Variants in ATR observed in about 807,000 individuals in gnomAD.
The protein encoded by ATR is serine/threonine-protein kinase ATR.
ATR carries 142 observed loss-of-function variants against 305.3 expected under a neutral mutation model. That is an observed-to-expected ratio of 0.47 (90% confidence interval 0.41 to 0.53). ATR has a LOEUF of 0.53. Among genes scored for constraint, ATR ranks in the 20% least tolerant of loss-of-function variants. The probability of loss-of-function intolerance (pLI) is 0.00; values close to 1 mark genes in which losing one functional copy is unlikely to be tolerated. For missense variants in ATR, 2,135 were observed against 3,133.1 expected, an observed-to-expected ratio of 0.68 and a Z score of 7.60; for synonymous variants, 1,050 against 1,068.1, an observed-to-expected ratio of 0.98 and a Z score of 0.33.
rs1314061298 is a variant in ATR, at chr3:142,562,278, A to G, written c.1124T>C (p.Ile375Thr). 4 of 1,614,092 alleles carry G rather than the reference A, an allele frequency of 2.5e-6. No homozygotes were observed. Among genetic ancestry groups the G allele is most frequent in the Non-Finnish European group, 3.4e-6 (4 of 1,179,966 alleles). The change falls in exon 4 of 47, where the codon ATT becomes ACT. Residue 375 changes from isoleucine (I) to threonine (T), a missense_variant. Physicochemically the swap from Ile to Thr is moderately conservative, Grantham distance 89 (BLOSUM62 -1). Around this residue, in one of 9 missense-constraint regions of ATR, gnomAD observed 744 missense variants for 873.2 expected, o/e 0.85. Coordinates refer to ENST00000350721, the MANE Select transcript of ATR (RefSeq NM_001184.4). Reference sequence around the variant, plus strand: ...AAGCACATCCAAAAGAGCTTTACAAATATTTCTCACATAGACCTTCCTGAC... The same window carrying G: ...AAGCACATCCAAAAGAGCTTTACAAGTATTTCTCACATAGACCTTCCTGAC... ...LQVRKVYVRN[I>T]CKALLDVLGI...
rs578209052 is a variant in ATR, at chr3:142,568,131, G to A, written c.83C>T (p.Thr28Ile). Residue 28 changes from threonine to isoleucine, a missense_variant, in exon 2 of 47, where the codon ACA (threonine) becomes ATA (isoleucine). Physicochemically the swap from Thr to Ile is moderately conservative, Grantham distance 89. Transcript: ENST00000350721. ...AATTTGTCTTGGCTTCTGTACAACT[G>A]TATTATATTCCTCTGGTGTGGCACT... ...LGSATPEEYN[T>I]VVQKPRQILC... 3 of 1,612,292 alleles carry A rather than the reference G, an allele frequency of 1.9e-6. No individual in the cohort carries two copies. Among genetic ancestry groups the A allele is most frequent in the Non-Finnish European group, 2.5e-6 (3 of 1,178,614 alleles).
intron 2 of ATR, 22 bp from the exon 3 acceptor site, chr3:142,566,283 T>TA (rs751633369): frequency 1.9e-6 from 3 of 1,611,302 alleles, no homozygotes; most frequent in Non-Finnish European, 1.7e-6. Context: ...AGATTCATTT[T>TA]AAAGAGTCAT....
chr3:142,527,179 T>C (rs2033431278), intron 21 of ATR, among the ~76,000 whole-genome samples: 1 of 152,218 alleles, frequency 6.6e-6, no homozygotes, highest in African/African-American at 2.4e-5. Flanking sequence ...TCTTTAATTT[T>C]TTGTTTCATG....
chr3:142,489,666 T>C (rs2031164260), intron 35 of ATR, among the ~76,000 whole-genome samples: 1 of 152,260 alleles, frequency 6.6e-6, no homozygotes, highest in Admixed American at 6.5e-5. Context: ...TGTAGGGTAG[T>C]ATTCCATTAT....
chr3:142,549,435 C>A, intron 15 of ATR, 44 bp downstream of exon 15: 2 of 1,312,990 alleles, frequency 1.5e-6, no homozygotes, highest in South Asian at 1.6e-5. Flanking sequence ...TCCTATAATG[C>A]TAATTTATAT....
In ATR at chr3:142,553,970, C is replaced by T. The variant is rs2108465916; in HGVS notation, c.2387G>A (p.Arg796Lys). 2 of 1,610,482 alleles carry T rather than the reference C, an allele frequency of 1.2e-6. No individual in the cohort carries two copies. Among genetic ancestry groups the T allele is most frequent in the East Asian group, 2.2e-5 (1 of 44,694 alleles). ...LHHLCKHLDF[R>K]EDETDVKAVL... ...TGCTTTTACATCTGTTTCATCTTCTCTAAAATCAAGATGCTTACAAAGATG... is the reference window on the plus strand; with the variant it reads ...TGCTTTTACATCTGTTTCATCTTCTTTAAAATCAAGATGCTTACAAAGATG... The change falls in exon 11 of 47, where the codon AGA becomes AAA. Residue 796 changes from arginine to lysine, a missense_variant. Arg to Lys is a conservative substitution (Grantham distance 26). This residue lies in a region of ATR where 530 missense variants were observed against 766.8 expected (regional missense o/e 0.69). Transcript: ENST00000350721.
intron 38 of ATR, among the ~76,000 whole-genome samples, chr3:142,469,006 T>A (rs919333472): frequency 5.9e-5 from 9 of 151,936 alleles, no homozygotes; most frequent in Non-Finnish European, 1.2e-4. Flanking sequence ...GGAAAAAAAA[T>A]AAAAATTCAG....
chr3:142,529,389 C>A (rs577857087), intron 21 of ATR, among the ~76,000 whole-genome samples: 13 of 152,152 alleles, frequency 8.5e-5, no homozygotes, highest in African/African-American at 3.1e-4. Context: ...CTTACTTACT[C>A]CTTACTCTCC....
chr3:142,510,681 C>A (rs2032506906), intron 27 of ATR, among the ~76,000 whole-genome samples: 1 of 151,486 alleles, frequency 6.6e-6, no homozygotes, highest in African/African-American at 2.4e-5. Flanking sequence ...GAAGTGAAGG[C>A]CTCTTTAAGG....
intron 16 of ATR, among the ~76,000 whole-genome samples, chr3:142,546,257 T>G (rs2034264808): frequency 6.6e-6 from 1 of 152,214 alleles, no homozygotes; most frequent in Non-Finnish European, 1.5e-5. Context: ...GTTCTGGCTC[T>G]CAATCAGGTT....
At chr3:142,522,107 TCATCAA>T (rs1304600198) in intron 23 of ATR, among the ~76,000 whole-genome samples, 2 of 152,326 alleles carry the variant, frequency 1.3e-5, no homozygotes, top group East Asian at 3.9e-4. Flanking sequence ...TTAATCAGCA[TCATCAA>T]CATTGAGGCA....
intron 36 of ATR, among the ~76,000 whole-genome samples, chr3:142,476,796 A>G (rs914595930): frequency 2.6e-5 from 4 of 152,146 alleles, no homozygotes; most frequent in South Asian, 2.1e-4. Flanking sequence ...GTTCTCCTTG[A>G]AGAGGTCCTT....
chr3:142,508,709 G>T (rs2032384061), intron 27 of ATR, among the ~76,000 whole-genome samples: 4 of 152,068 alleles, frequency 2.6e-5, no homozygotes, highest in South Asian at 2.1e-4. Flanking sequence ...GGATCACAAG[G>T]TTAGGAGATC....
chr3:142,494,835 G>A (rs1462860378), intron 34 of ATR, among the ~76,000 whole-genome samples: 2 of 152,174 alleles, frequency 1.3e-5, no homozygotes, highest in African/African-American at 4.8e-5. Flanking sequence ...AACATGATTC[G>A]ATGTGGATTT....
At chr3:142,461,852 CAT>C (rs1044420403) in intron 42 of ATR, 86 bp downstream of exon 42, 63 of 1,384,500 alleles carry the variant, frequency 4.6e-5, no homozygotes, top group African/African-American at 2.9e-4. Flanking sequence ...TATCAAAAAA[CAT>C]ATGCTAGCAT....
chr3:142,549,764 C>T, intron 14 of ATR, 91 bp from the exon 15 acceptor site: 1 of 1,209,742 alleles, frequency 8.3e-7, no homozygotes, highest in Non-Finnish European at 1.2e-6. Context: ...TTTTTAAATG[C>T]CACACATATT....
At chr3:142,480,790 G>T (rs2030384800) in intron 36 of ATR, among the ~76,000 whole-genome samples, 1 of 152,184 alleles carries the variant, frequency 6.6e-6, no homozygotes, top group Non-Finnish European at 1.5e-5. Flanking sequence ...GCAATGGCGG[G>T]CACTCCTCCC....
Position 142,535,044 on chromosome 3 carries a change from T to C in ATR, c.3945+36A>G, listed in dbSNP as rs773346839. The stretch of plus-strand genomic sequence containing the variant: ...TTTTCTTTAAGCCTCCAATCTTTCT[T>C]TGTTATACATTTTTAATTATATCAT... On this transcript the variant is annotated intron_variant, in intron 21 of 46. Coordinates refer to ENST00000350721, the MANE Select transcript of ATR (RefSeq NM_001184.4). 6.3e-6 allele frequency: 10 copies of C among 1,576,096 alleles called. No individual in the cohort carries two copies. In the South Asian group the frequency reaches 1.1e-4, roughly 18 times the overall value.
At chr3:142,568,824 A>C (rs1174765358) in intron 1 of ATR, among the ~76,000 whole-genome samples, 3 of 152,236 alleles carry the variant, frequency 2.0e-5, no homozygotes, top group Non-Finnish European at 2.9e-5. Flanking sequence ...CCGCGTGTGC[A>C]TGTGCTCAGG....
Sources: allele counts gnomAD v4.1 joint callset (sites outside exome capture counted in the v4.1 genomes callset), GRCh38; gene constraint gnomAD v4.1.1; regional missense constraint gnomAD v4.1.1; transcripts MANE v1.5; gene names NCBI Gene and HGNC (gene_info 2026-07-23, HGNC 2026-07-21).